CABLES1: variants seen among roughly 807,000 people sequenced by gnomAD.
CABLES1 encodes the protein Cdk5 and Abl enzyme substrate 1.
Under a neutral mutation model 57.8 loss-of-function variants are expected in CABLES1, and 36 were observed. The observed-to-expected ratio is 0.62, with a 90% confidence interval of 0.48 to 0.82. CABLES1 has a LOEUF of 0.82. Ranked by LOEUF, CABLES1 falls within the 40% of genes least tolerant of loss-of-function variation. The probability of loss-of-function intolerance (pLI) is 0.00; values close to 1 mark genes in which losing one functional copy is unlikely to be tolerated. For missense variants in CABLES1, 767 were observed against 836.6 expected (o/e 0.92, Z 1.03); for synonymous variants, 374 against 363.0 (o/e 1.03, Z -0.35).
chr18:23,206,776 A>G (rs1725256429), intron 3 of CABLES1, among the ~76,000 whole-genome samples: 1 of 151,692 alleles, frequency 6.6e-6, no homozygotes, highest in Non-Finnish European at 1.5e-5. Flanking sequence ...AAAAATTTAA[A>G]CAGCATTTCT....
intron 3 of CABLES1, among the ~76,000 whole-genome samples, chr18:23,200,070 G>C (rs548615397): frequency 6.6e-6 from 1 of 152,156 alleles, no homozygotes. Flanking sequence ...TAGGCACTCA[G>C]CAAGTGTTTG....
intron 1 of CABLES1, among the ~76,000 whole-genome samples, chr18:23,144,297 C>T (rs752781096): frequency 1.8e-4 from 27 of 152,252 alleles, no homozygotes; most frequent in Non-Finnish European, 2.6e-4. Context: ...ATAGGGAACA[C>T]AAATGAAACT....
At chr18:23,146,912 C>A (rs1441164491) in intron 1 of CABLES1, among the ~76,000 whole-genome samples, 2 of 152,168 alleles carry the variant, frequency 1.3e-5, no homozygotes, top group Non-Finnish European at 2.9e-5. Flanking sequence ...AGTCTCAAAT[C>A]TTCTACTTGT....
intron 4 of CABLES1, among the ~76,000 whole-genome samples, chr18:23,215,005 A>G (rs1234267090): frequency 1.3e-5 from 2 of 152,188 alleles, no homozygotes; most frequent in African/African-American, 4.8e-5. Flanking sequence ...CTTCATTGTC[A>G]GCTCCATGGG....
At chr18:23,181,232 G>A (rs1002605858) in intron 1 of CABLES1, among the ~76,000 whole-genome samples, 15 of 152,070 alleles carry the variant, frequency 9.9e-5, no homozygotes, top group African/African-American at 2.9e-4. Context: ...CCCAGCTCAC[G>A]CCTGTAATCC....
intron 7 of CABLES1, among the ~76,000 whole-genome samples, chr18:23,237,562 C>A (rs1292332220): frequency 6.6e-6 from 1 of 152,248 alleles, no homozygotes; most frequent in Non-Finnish European, 1.5e-5. Context: ...GGACCAGGCC[C>A]ATCCCTGGTA....
intron 1 of CABLES1, among the ~76,000 whole-genome samples, chr18:23,168,422 A>G (rs1030211912): frequency 5.9e-5 from 9 of 152,202 alleles, no homozygotes; most frequent in African/African-American, 1.9e-4. Context: ...TCAAATTCAT[A>G]GAGACAGAAA....
chr18:23,251,009 A>T (rs2048023873), intron 7 of CABLES1, among the ~76,000 whole-genome samples: 1 of 152,228 alleles, frequency 6.6e-6, no homozygotes, highest in Admixed American at 6.5e-5. Context: ...CCTGTGTCCT[A>T]TAAATGGAGG....
intron 3 of CABLES1, among the ~76,000 whole-genome samples, chr18:23,202,879 C>T (rs1443541267): frequency 6.6e-6 from 1 of 151,256 alleles, no homozygotes; most frequent in Non-Finnish European, 1.5e-5. Flanking sequence ...CCCAGTTACT[C>T]GGGAGGCTGA....
intron 3 of CABLES1, among the ~76,000 whole-genome samples, chr18:23,203,057 TG>T (rs1476625789): frequency 2.6e-5 from 4 of 151,920 alleles, no homozygotes; most frequent in Non-Finnish European, 5.9e-5. Flanking sequence ...CTCACGGTCC[TG>T]TTAAGAAAGG....
chr18:23,206,262 T>A (rs544754869), intron 3 of CABLES1, among the ~76,000 whole-genome samples: 8 of 152,240 alleles, frequency 5.3e-5, no homozygotes, highest in Admixed American at 5.2e-4. Flanking sequence ...AGCTGGGGAC[T>A]CCCAAACCCC....
chr18:23,171,702 A>G (rs1471308951), intron 1 of CABLES1, among the ~76,000 whole-genome samples: 1 of 151,924 alleles, frequency 6.6e-6, no homozygotes, highest in East Asian at 1.9e-4. Context: ...TAACCCTCGC[A>G]TCTAACGGAG....
intron 3 of CABLES1, among the ~76,000 whole-genome samples, chr18:23,211,218 T>C (rs1342597305): frequency 6.6e-6 from 1 of 152,108 alleles, no homozygotes; most frequent in Non-Finnish European, 1.5e-5. Flanking sequence ...CCAAACAAAC[T>C]TAGTGTGTGG....
At position 23,258,333 on chromosome 18, in the gene CABLES1, G is replaced by GTGTT. The variant is rs1422786343; in HGVS notation, c.*968_*971dup. The GTGTT allele has an allele frequency of 6.6e-6, 1 of 152,580 alleles. No individual in the cohort carries two copies. The highest frequency in any genetic ancestry group is 1.5e-5 in the Non-Finnish European group (1 of 68,046). The allele number at this position is 152,580 out of a possible 1,614,324, so 9.5% of individuals were successfully genotyped here. On this transcript the variant is annotated 3_prime_UTR_variant, in exon 10 of 10. Transcript: ENST00000256925. ...GTGCTATCTATATCGCTATATAAAA[G>GTGTT]TGTTTTATAAAAACCCAGAATAGGA... is the stretch of plus-strand genomic sequence containing the variant.
chr18:23,197,376 G>A (rs1401736034), intron 3 of CABLES1: 2 of 152,194 alleles, frequency 1.3e-5, no homozygotes, highest in Non-Finnish European at 2.9e-5. Context: ...GCGGAAGTAC[G>A]TGGTTGCGAT....
intron 4 of CABLES1, among the ~76,000 whole-genome samples, chr18:23,218,942 G>A (rs1168508692): frequency 2.0e-5 from 3 of 152,206 alleles, no homozygotes; most frequent in African/African-American, 7.2e-5. Flanking sequence ...AGGCACTGGA[G>A]AACACTGGAG....
intron 3 of CABLES1, among the ~76,000 whole-genome samples, chr18:23,205,631 T>C (rs2047357693): frequency 6.6e-6 from 1 of 152,186 alleles, no homozygotes; most frequent in South Asian, 2.1e-4. Flanking sequence ...GCAGATGTAA[T>C]TCACTAAGAT....
intron 1 of CABLES1, among the ~76,000 whole-genome samples, chr18:23,155,352 T>A (rs2046958572): frequency 6.6e-6 from 1 of 152,168 alleles, no homozygotes; most frequent in East Asian, 1.9e-4. Flanking sequence ...TCCCAGAGTG[T>A]GAGTTGGGAA....
chr18:23,255,479 T>C (rs1042356024), intron 9 of CABLES1, among the ~76,000 whole-genome samples: 2 of 152,046 alleles, frequency 1.3e-5, no homozygotes, highest in African/African-American at 4.8e-5. Context: ...AGTAAATACA[T>C]GAACCCAGAA....
Sources: gnomAD v4.1 joint callset for allele counts (sites outside exome capture counted in the v4.1 genomes callset) on GRCh38, gnomAD v4.1.1 for gene constraint, MANE v1.5 for transcripts, NCBI Gene and HGNC (gene_info 2026-07-23, HGNC 2026-07-21) for gene names.